PRRG1: variants seen among roughly 807,000 people sequenced by gnomAD.
The protein encoded by PRRG1 is transmembrane gamma-carboxyglutamic acid protein 1.
A neutral mutation model predicts 11.8 loss-of-function variants in PRRG1; 5 were observed. That is an observed-to-expected ratio of 0.42 (90% CI 0.22 to 0.89). The LOEUF (loss-of-function observed/expected upper bound fraction) is 0.89. Ranked by LOEUF, PRRG1 falls within the 40% of genes least tolerant of loss-of-function variation. The pLI, the probability that PRRG1 is intolerant of heterozygous loss-of-function variation, is 0.28. For missense variants in PRRG1, 155 were observed against 166.1 expected, an observed-to-expected ratio of 0.93 and a Z score of 0.37; for synonymous variants, 66 against 60.4, an observed-to-expected ratio of 1.09 and a Z score of -0.43.
At chrX:37,452,535 T>G (rs1267060361) in intron 3 of PRRG1, among the ~76,000 whole-genome samples, 1 of 112,333 alleles carries the variant, frequency 8.9e-6, no homozygotes, top group Non-Finnish European at 1.9e-5. Context: ...TTCACCAGCC[T>G]GAGGTCTCTC....
At chrX:37,383,138 CT>C (rs782790306) in intron 1 of PRRG1, among the ~76,000 whole-genome samples, 2 of 112,074 alleles carry the variant, frequency 1.8e-5, no homozygotes, top group Non-Finnish European at 3.8e-5. Context: ...GGAAAAGATA[CT>C]AGTTTGCAAA....
At chrX:37,359,327 G>GT (rs782365597) in intron 1 of PRRG1, among the ~76,000 whole-genome samples, 86 of 101,882 alleles carry the variant, frequency 8.4e-4, no homozygotes, top group Non-Finnish European at 7.7e-4. Context: ...TTTGCTGAGA[G>GT]TTTTTTTTTT....
chrX:37,395,440 C>T (rs1464813799), intron 1 of PRRG1, among the ~76,000 whole-genome samples: 1 of 110,162 alleles, frequency 9.1e-6, no homozygotes. Context: ...TGGTGAAACC[C>T]CTGTTTCTAC....
chrX:37,402,216 C>A (rs1318997532), intron 1 of PRRG1, among the ~76,000 whole-genome samples: 1 of 111,499 alleles, frequency 9.0e-6, no homozygotes, highest in Non-Finnish European at 1.9e-5. Flanking sequence ...GGAGGCATCA[C>A]ACTACCTGAC....
intron 1 of PRRG1, among the ~76,000 whole-genome samples, chrX:37,399,385 T>C (rs1434149385): frequency 1.0e-4 from 11 of 107,113 alleles, no homozygotes; most frequent in Non-Finnish European, 1.9e-4. Context: ...CAAACTAAGC[T>C]TCATAAGTGA....
chrX:37,406,872 T>C (rs1556382207), intron 2 of PRRG1, among the ~76,000 whole-genome samples: 1 of 111,656 alleles, frequency 9.0e-6, no homozygotes, highest in African/African-American at 3.3e-5. Context: ...TTCTAATTAA[T>C]GTATATCATG....
At chrX:37,397,999 CACACACACACACACACAT>C (rs1398690001) in intron 1 of PRRG1, among the ~76,000 whole-genome samples, 3 of 99,223 alleles carry the variant, frequency 3.0e-5, no homozygotes, top group East Asian at 3.0e-4. Flanking sequence ...CACACACACA[CACACACACACACACACAT>C]ACACGCTGAA....
chrX:37,447,285 C>T (rs1374265166), intron 3 of PRRG1, among the ~76,000 whole-genome samples: 5 of 111,958 alleles, frequency 4.5e-5, no homozygotes, highest in Non-Finnish European at 7.5e-5. Flanking sequence ...CCATTCAGCC[C>T]ATTTCTTTCC....
intron 3 of PRRG1, among the ~76,000 whole-genome samples, chrX:37,428,214 A>G (rs1309155021): frequency 9.0e-6 from 1 of 110,854 alleles, no homozygotes; most frequent in African/African-American, 3.3e-5. Context: ...ATGTCCTCAT[A>G]TTTCAAAATG....
At chrX:37,371,000 G>C (rs977095709) in intron 1 of PRRG1, among the ~76,000 whole-genome samples, 21 of 111,485 alleles carry the variant, frequency 1.9e-4, no homozygotes, top group African/African-American at 6.2e-4. Flanking sequence ...AGGCTCCTGA[G>C]TAGAAAGGGA....
At chrX:37,449,804 G>A (rs1418146378) in intron 3 of PRRG1, among the ~76,000 whole-genome samples, 1 of 112,601 alleles carries the variant, frequency 8.9e-6, no homozygotes, top group Non-Finnish European at 1.9e-5. Flanking sequence ...AGCCACTAAT[G>A]TTAAATCCTT....
intron 1 of PRRG1, among the ~76,000 whole-genome samples, chrX:37,372,992 C>A (rs11798925): frequency 2.7e-5 from 3 of 111,484 alleles, no homozygotes; most frequent in African/African-American, 9.8e-5. Context: ...AGATAATGGT[C>A]CAGTTTCACT....
intron 1 of PRRG1, among the ~76,000 whole-genome samples, chrX:37,360,135 T>C (rs1378983105): frequency 1.8e-5 from 2 of 112,092 alleles, no homozygotes; most frequent in Middle Eastern, 4.6e-3. Context: ...GATTTTCTGT[T>C]TTCAGTTTCA....
chrX:37,355,570 A>G (rs142131423), intron 1 of PRRG1, among the ~76,000 whole-genome samples: 1 of 112,038 alleles, frequency 8.9e-6, no homozygotes, highest in African/African-American at 3.2e-5. Context: ...TGTTATGAAC[A>G]TATAATTGAT....
chrX:37,360,608 G>T (rs782620350), intron 1 of PRRG1, among the ~76,000 whole-genome samples: 13 of 112,295 alleles, frequency 1.2e-4, no homozygotes, highest in Non-Finnish European at 2.3e-4. Context: ...ACATGAGCTT[G>T]AGAAAAATGT....
At chrX:37,402,008 A>T (rs1422298836) in intron 1 of PRRG1, among the ~76,000 whole-genome samples, 1 of 111,674 alleles carries the variant, frequency 9.0e-6, no homozygotes, top group African/African-American at 3.3e-5. Context: ...ATGGAAGAAC[A>T]TTCCACGCTC....
At position 37,454,037 on chromosome X, in the gene PRRG1, T is replaced by C. The variant is rs141550350; in HGVS notation, c.*416T>C. The C allele has an allele frequency of 4.9e-3, 565 of 114,216 alleles. 2 individuals are homozygous for C. The highest frequency in any genetic ancestry group is 0.017 in the African/African-American group (537 of 31,099). The allele number at this position is 114,216 out of a possible 1,213,427, so 9.4% of individuals were successfully genotyped here. A position where few individuals can be genotyped will look rare whatever the true frequency, so the allele number is the denominator to read the frequency against. On this transcript the variant is annotated 3_prime_UTR_variant, in exon 4 of 4. Coordinates refer to ENST00000378628, the MANE Select transcript of PRRG1 (RefSeq NM_001142395.2). ...ACAAGGGTATCAAGAATTTGTGTAA[T>C]AGCCAGTGACATGCTGTAGATTTTT...
At position 37,365,071 on chromosome X, in the gene PRRG1, C is replaced by A. The variant is rs182078993; in HGVS notation, c.-42+15676C>A. Among the ~76,000 whole-genome samples, 379 of 111,655 alleles carry A rather than the reference C, an allele frequency of 3.4e-3. 2 individuals carry two copies. The highest frequency in any genetic ancestry group is 0.012 in the African/African-American group (356 of 30,742). Reference sequence around the variant, plus strand: ...AAGCTATGAATTCTATTAAGATGGCCAAAAGTTAGTGAACTTCTGCCACGG... The same window carrying A: ...AAGCTATGAATTCTATTAAGATGGCAAAAAGTTAGTGAACTTCTGCCACGG... On this transcript the variant is annotated intron_variant, in intron 1 of 3. Transcript: ENST00000378628.
At chrX:37,442,644 G>T (rs1438885012) in intron 3 of PRRG1, among the ~76,000 whole-genome samples, 6 of 110,865 alleles carry the variant, frequency 5.4e-5, no homozygotes, top group African/African-American at 2.0e-4. Context: ...AAATAAAGGG[G>T]GTCTTCAACT....
Sources: gnomAD v4.1 joint callset for allele counts (sites outside exome capture counted in the v4.1 genomes callset) on GRCh38, gnomAD v4.1.1 for gene constraint, MANE v1.5 for transcripts, NCBI Gene and HGNC (gene_info 2026-07-23, HGNC 2026-07-21) for gene names.